GPR158: variants seen among roughly 807,000 people sequenced by gnomAD.
GPR158 encodes the protein G protein-coupled receptor 158.
In GPR158, 30 loss-of-function variants were observed where a neutral mutation model predicts 78.2. The observed-to-expected ratio is 0.38, with a 90% CI of 0.29 to 0.52. The LOEUF (loss-of-function observed/expected upper bound fraction) is 0.52. GPR158 is among the 20% of genes least tolerant of loss of function. GPR158 has a pLI of 0.83. For synonymous variants in GPR158, 581 were observed against 591.1 expected, an observed-to-expected ratio of 0.98 and a Z score of 0.25; for missense variants, 1,463 against 1,523.5, an observed-to-expected ratio of 0.96 and a Z score of 0.66.
intron 4 of GPR158, among the ~76,000 whole-genome samples, chr10:25,414,196 T>C (rs1283844005): frequency 1.3e-5 from 2 of 152,206 alleles, no homozygotes; most frequent in Non-Finnish European, 2.9e-5. Flanking sequence ...ATTGGATATT[T>C]AGAAACCTGA....
Position 25,489,325 on chromosome 10 carries a change from TA to T in GPR158, c.1404+22607del, listed in dbSNP as rs553017107. On this transcript the variant is annotated intron_variant, in intron 5 of 10. Coordinates refer to ENST00000376351, the MANE Select transcript of GPR158 (RefSeq NM_020752.3). ...GACTCTTGGCAAGTGGTATTTCTTA[TA>T]TATATTCAGTTTTTACCTCTATTTT... Among the ~76,000 whole-genome samples the T allele has an allele frequency of 1.3e-3, 204 of 152,284 alleles. 1 individual carries two copies. The highest frequency in any genetic ancestry group is 4.8e-3 in the African/African-American group (201 of 41,572).
chr10:25,406,282 A>C (rs1420784476), intron 3 of GPR158, among the ~76,000 whole-genome samples: 2 of 152,152 alleles, frequency 1.3e-5, no homozygotes, highest in Non-Finnish European at 2.9e-5. Flanking sequence ...TAAATATTCC[A>C]GCCTTCCATC....
Position 25,412,285 on chromosome 10 carries a change from A to G in GPR158, c.1147A>G (p.Lys383Glu), listed in dbSNP as rs1417596814. 1 of 1,614,092 alleles carries G rather than the reference A, an allele frequency of 6.2e-7. No individual in the cohort carries two copies. Among genetic ancestry groups the G allele is most frequent in the African/African-American group, 1.3e-5 (1 of 75,030 alleles). The change falls in exon 4 of 11, where the codon AAA becomes GAA. Residue 383 changes from lysine (K) to glutamate (E), a missense_variant. Lys to Glu is a moderately conservative substitution (Grantham distance 56). Coordinates refer to ENST00000376351, the MANE Select transcript of GPR158 (RefSeq NM_020752.3). Reference sequence around the variant, plus strand: ...GGATCAGCATATTTCAGGAAGTACAAAAGATGTGTCAGAAGAAGCCTATGT... The same window carrying G: ...GGATCAGCATATTTCAGGAAGTACAGAAGATGTGTCAGAAGAAGCCTATGT... ...GPDQHISGST[K>E]DVSEEAYVCL...
At chr10:25,523,768 A>G (rs1414051) in intron 5 of GPR158, among the ~76,000 whole-genome samples, 2,277 of 152,278 alleles carry the variant, frequency 0.015, 50 homozygotes, top group Admixed American at 0.058. Flanking sequence ...GAATCACACA[A>G]TGATTTATAC....
At chr10:25,437,873 T>C (rs981201348) in intron 4 of GPR158, among the ~76,000 whole-genome samples, 3 of 152,212 alleles carry the variant, frequency 2.0e-5, no homozygotes, top group Non-Finnish European at 4.4e-5. Flanking sequence ...GCCCGAGGAT[T>C]GAAGGACATT....
chr10:25,529,373 C>T (rs1020855418), intron 5 of GPR158, among the ~76,000 whole-genome samples: 4 of 150,158 alleles, frequency 2.7e-5, no homozygotes, highest in African/African-American at 7.5e-5. Context: ...GGTGACAGAG[C>T]GAGACTCCTC....
At chr10:25,289,563 G>T (rs558909291) in intron 2 of GPR158, among the ~76,000 whole-genome samples, 100 of 152,018 alleles carry the variant, frequency 6.6e-4, no homozygotes, top group African/African-American at 2.0e-3. Flanking sequence ...CTCCCGAGTA[G>T]CTGGGACTAC....
At chr10:25,356,260 C>T (rs79871671) in intron 2 of GPR158, among the ~76,000 whole-genome samples, 2,575 of 152,120 alleles carry the variant, frequency 0.017, 66 homozygotes, top group African/African-American at 0.051. Flanking sequence ...TGCCTATCCA[C>T]ATATTTGAGT....
chr10:25,394,492 CAT>C (rs1168681829), intron 2 of GPR158, among the ~76,000 whole-genome samples: 1 of 151,834 alleles, frequency 6.6e-6, no homozygotes, highest in Non-Finnish European at 1.5e-5. Flanking sequence ...ATAAACAGTA[CAT>C]GTTATTTTTA....
At chr10:25,463,967 G>A (rs1313467483) in intron 4 of GPR158, among the ~76,000 whole-genome samples, 1 of 152,076 alleles carries the variant, frequency 6.6e-6, no homozygotes, top group African/African-American at 2.4e-5. Context: ...CACCTATTAG[G>A]TTCCTTCTCA....
At chr10:25,317,257 A>AGACC (rs2130472448) in intron 2 of GPR158, among the ~76,000 whole-genome samples, 1 of 152,034 alleles carries the variant, frequency 6.6e-6, no homozygotes, top group African/African-American at 2.4e-5. Flanking sequence ...CATGTTGGTC[A>AGACC]GGCTGGTCTC....
At chr10:25,329,388 G>A (rs540187668) in intron 2 of GPR158, among the ~76,000 whole-genome samples, 8 of 151,660 alleles carry the variant, frequency 5.3e-5, no homozygotes, top group South Asian at 4.2e-4. Flanking sequence ...TGCAGTGAGC[G>A]GAGATCGCGC....
intron 3 of GPR158, among the ~76,000 whole-genome samples, chr10:25,409,818 G>A (rs1390090115): frequency 1.3e-5 from 2 of 151,928 alleles, no homozygotes; most frequent in Non-Finnish European, 2.9e-5. Context: ...AAACAAAATC[G>A]CTTTTTAAAA....
intron 5 of GPR158, among the ~76,000 whole-genome samples, chr10:25,477,672 G>GA (rs547794125): frequency 1.2e-4 from 17 of 147,602 alleles, no homozygotes; most frequent in South Asian, 4.3e-4. Flanking sequence ...TGATACAAGA[G>GA]AAAAAAAAAC....
chr10:25,401,399 G>C (rs557642508), intron 3 of GPR158, among the ~76,000 whole-genome samples: 21 of 152,056 alleles, frequency 1.4e-4, no homozygotes, highest in African/African-American at 5.1e-4. Flanking sequence ...TCAGTAATTT[G>C]CTCAATTTTC....
chr10:25,243,624 A>C (rs777511286), intron 2 of GPR158, among the ~76,000 whole-genome samples: 25 of 152,168 alleles, frequency 1.6e-4, no homozygotes, highest in Non-Finnish European at 3.5e-4. Context: ...CCCTTAATAT[A>C]AGTTCTCATA....
At chr10:25,228,947 A>G (rs2130692549) in intron 2 of GPR158, among the ~76,000 whole-genome samples, 1 of 151,896 alleles carries the variant, frequency 6.6e-6, no homozygotes, top group African/African-American at 2.4e-5. Flanking sequence ...AGGTAGCAGA[A>G]TGGTATGAAC....
intron 3 of GPR158, among the ~76,000 whole-genome samples, chr10:25,408,153 A>G (rs1834539367): frequency 6.6e-6 from 1 of 152,224 alleles, no homozygotes; most frequent in African/African-American, 2.4e-5. Context: ...AGCCAGTGAA[A>G]AAAGGTCAGC....
At chr10:25,318,486 C>A (rs933885609) in intron 2 of GPR158, among the ~76,000 whole-genome samples, 4 of 152,034 alleles carry the variant, frequency 2.6e-5, no homozygotes, top group Non-Finnish European at 5.9e-5. Context: ...TCATTCCGTT[C>A]TTCTTTCTTC....
Sources: allele counts gnomAD v4.1 joint callset (sites outside exome capture counted in the v4.1 genomes callset), GRCh38; gene constraint gnomAD v4.1.1; transcripts MANE v1.5; gene names NCBI Gene and HGNC (gene_info 2026-07-23, HGNC 2026-07-21).